Variants in ARHGAP35 observed in about 807,000 individuals in gnomAD.
The protein encoded by ARHGAP35 is rho GTPase-activating protein 35.
In ARHGAP35, 15 loss-of-function variants were observed where a neutral mutation model predicts 111.1. The observed-to-expected ratio is 0.13, with a 90% CI of 0.09 to 0.21. ARHGAP35 has a LOEUF of 0.21. Among genes scored for constraint, ARHGAP35 ranks in the 10% least tolerant of loss-of-function variants. ARHGAP35 has a pLI of 1.00. For synonymous variants in ARHGAP35, 643 were observed against 710.3 expected (o/e 0.91, Z 1.51); for missense variants, 1,262 against 1,873.0 (o/e 0.67, Z 6.02).
intron 3 of ARHGAP35, among the ~76,000 whole-genome samples, chr19:46,950,733 C>T (rs930915530): frequency 6.6e-5 from 10 of 152,146 alleles, no homozygotes; most frequent in Non-Finnish European, 1.2e-4. Context: ...TCCATTACCT[C>T]GCTGTGGCTC....
intron 2 of ARHGAP35, among the ~76,000 whole-genome samples, chr19:46,935,237 G>A (rs1034297126): frequency 2.6e-5 from 4 of 152,136 alleles, no homozygotes; most frequent in Admixed American, 2.6e-4. Context: ...GCTTTATGGA[G>A]TACATGGTTC....
intron 3 of ARHGAP35, among the ~76,000 whole-genome samples, chr19:46,937,768 G>A (rs946010134): frequency 6.6e-6 from 1 of 152,208 alleles, no homozygotes; most frequent in African/African-American, 2.4e-5. Flanking sequence ...CTTGAGGGTT[G>A]TGCTATCATT....
At chr19:46,942,817 G>GAAAAAA (rs770589909) in intron 3 of ARHGAP35, among the ~76,000 whole-genome samples, 1 of 140,028 alleles carries the variant, frequency 7.1e-6, no homozygotes, top group Non-Finnish European at 1.5e-5. Flanking sequence ...CCCTGTCTCA[G>GAAAAAA]AAAAAAAAAA....
At chr19:46,985,272 A>G (rs1242918223) in intron 3 of ARHGAP35, among the ~76,000 whole-genome samples, 1 of 152,224 alleles carries the variant, frequency 6.6e-6, no homozygotes, top group Admixed American at 6.5e-5. Context: ...CAGGGTCTCG[A>G]CAGCACAGGG....
chr19:46,908,533 T>C lies in ARHGAP35; in HGVS notation c.-188-9955T>C, dbSNP rs951526592. Among the ~76,000 whole-genome samples the C allele has an allele frequency of 6.7e-6, 1 of 150,294 alleles. No individual in the cohort carries two copies. The highest frequency in any genetic ancestry group is 2.4e-5 in the African/African-American group (1 of 41,222). ...TAATCCAGAAATTATGCTAAATCAGTGAGAAAGACTTCTTAGCTTTTGATT... is the reference window on the plus strand; with the variant it reads ...TAATCCAGAAATTATGCTAAATCAGCGAGAAAGACTTCTTAGCTTTTGATT... On this transcript the variant is annotated intron_variant, in intron 1 of 6. Transcript: ENST00000672722. This position sits in a 1 kb window ranked among gnomAD's most constrained non-coding sequence, Gnocchi z 4.2.
At chr19:46,962,204 T>C (rs1451334074) in intron 3 of ARHGAP35, among the ~76,000 whole-genome samples, 1 of 152,190 alleles carries the variant, frequency 6.6e-6, no homozygotes, top group East Asian at 1.9e-4. Flanking sequence ...GAGTTTGTTT[T>C]TTAAAAAAGC....
In ARHGAP35 at chr19:46,908,799, A is replaced by T. The variant is rs1011995070; in HGVS notation, c.-188-9689A>T. 1.7e-4 allele frequency among the ~76,000 whole-genome samples: 26 copies of T among 151,862 alleles called. No homozygotes were observed. The highest frequency in any genetic ancestry group is 9.2e-4 in the Admixed American group (14 of 15,234). On this transcript the variant is annotated intron_variant, in intron 1 of 6. Transcript: ENST00000672722. The surrounding 1 kb of genome is among the most constrained non-coding windows in gnomAD (Gnocchi z 4.2). ...GGAAGCATGAGAACTGTGGCGGGGG[A>T]AAAATGGGCTACTTGCTGTATTTAG...
chr19:46,886,113 A>G (rs311364), intron 1 of ARHGAP35, among the ~76,000 whole-genome samples: 17,849 of 152,134 alleles, frequency 0.12, 1,146 homozygotes, highest in Middle Eastern at 0.23. Flanking sequence ...CCAGTGGTTT[A>G]TGTTGTCGTC....
At chr19:46,871,557 G>A (rs2055887473) in intron 1 of ARHGAP35, among the ~76,000 whole-genome samples, 1 of 151,804 alleles carries the variant, frequency 6.6e-6, no homozygotes, top group South Asian at 2.1e-4. Flanking sequence ...TGGCCAGGCT[G>A]GTCTTGAACT....
intron 3 of ARHGAP35, among the ~76,000 whole-genome samples, chr19:46,983,211 C>T (rs2122325620): frequency 6.6e-6 from 1 of 152,102 alleles, no homozygotes; most frequent in Middle Eastern, 3.4e-3. Flanking sequence ...TGATTTTGAG[C>T]ATCATAGAAG....
At chr19:46,891,654 T>C (rs2056024549) in intron 1 of ARHGAP35, among the ~76,000 whole-genome samples, 1 of 152,042 alleles carries the variant, frequency 6.6e-6, no homozygotes, top group East Asian at 1.9e-4. Context: ...CTCAATCTCT[T>C]GACATCGTGA....
At chr19:46,871,865 A>G (rs568310776) in intron 1 of ARHGAP35, among the ~76,000 whole-genome samples, 3 of 152,022 alleles carry the variant, frequency 2.0e-5, no homozygotes, top group Admixed American at 6.5e-5. Context: ...CTGTAATCCC[A>G]GCTACTCGGG....
In ARHGAP35 at chr19:47,003,947, C is replaced by A. The variant is rs983538265; in HGVS notation, c.*3259C>A. ...ACACACACACACACACACACACACA[C>A]ACAAAACTTCACAGCAGGCCAGCTG... On this transcript the variant is annotated 3_prime_UTR_variant, in exon 7 of 7. Coordinates refer to ENST00000672722, the MANE Select transcript of ARHGAP35 (RefSeq NM_004491.5). 6.5e-6 allele frequency: 1 copy of A among 152,804 alleles called. No homozygotes were observed. Among genetic ancestry groups the A allele is most frequent in the South Asian group, 2.1e-4 (1 of 4,794 alleles). 9.5% of individuals were successfully genotyped at this position (152,804 alleles called of 1,614,324 possible).
At chr19:46,924,116 A>T (rs2056224889) in intron 2 of ARHGAP35, among the ~76,000 whole-genome samples, 1 of 152,176 alleles carries the variant, frequency 6.6e-6, no homozygotes, top group South Asian at 2.1e-4. Context: ...AAGAACAGAG[A>T]ACAGAGTTAC....
In ARHGAP35 at chr19:46,993,478, C is replaced by T. The variant is rs1044505272; in HGVS notation, c.4036+3803C>T. ...TCTTTGGGAACAGGGTCTCTGCCGC[C>T]ACTTTGTTTGACCTTGGACCGGTAT... On this transcript the variant is annotated intron_variant, in intron 5 of 6. Coordinates refer to ENST00000672722, the MANE Select transcript of ARHGAP35 (RefSeq NM_004491.5). This position sits in a 1 kb window ranked among gnomAD's most constrained non-coding sequence, Gnocchi z 4.6. Among the ~76,000 whole-genome samples the T allele has an allele frequency of 6.6e-6, 1 of 152,224 alleles. No homozygotes were observed. Among genetic ancestry groups the T allele is most frequent in the Non-Finnish European group, 1.5e-5 (1 of 68,042 alleles).
chr19:46,861,527 A>T (rs987620764), intron 1 of ARHGAP35, among the ~76,000 whole-genome samples: 1 of 131,764 alleles, frequency 7.6e-6, no homozygotes, highest in Non-Finnish European at 1.6e-5. Context: ...ACTTCAGCCA[A>T]CCGGTTCCCA....
rs1358429797 is a variant in ARHGAP35 at position 46,920,490 on chromosome 19, A to G, written c.1815A>G (p.Lys605=). The G allele has an allele frequency of 6.2e-7, 1 of 1,613,986 alleles. No individual in the cohort carries two copies. The highest frequency in any genetic ancestry group is 2.2e-5 in the East Asian group (1 of 44,888). Residue 605 remains lysine, a synonymous_variant, in exon 2 of 7, where the codon AAA becomes AAG. Transcript: ENST00000672722. This position sits in a 1 kb window ranked among gnomAD's most constrained non-coding sequence, Gnocchi z 7.0. ...GAATCAACTTGGTTATATTGGGCAA[A>G]GACGGCCTTGCCCGAGAGTTGGCCA... ...IDRINLVILG[K]DGLARELANE...
Position 46,920,997 on chromosome 19 carries a change from C to T in ARHGAP35, c.2322C>T (p.Ile774=). The T allele has an allele frequency of 6.2e-7, 1 of 1,613,998 alleles. No homozygotes were observed. The highest frequency in any genetic ancestry group is 1.1e-5 in the South Asian group (1 of 91,078). The part of the protein sequence containing the change: ...NLNLVSSTAS[I]KDLADVDLRI... ...ACCTGGTCAGTTCTACTGCTAGCAT[C>T]AAAGATTTGGCTGATGTTGATCTGC... Residue 774 remains isoleucine (I), a synonymous_variant, in exon 2 of 7, where the codon ATC becomes ATT. Coordinates refer to ENST00000672722, the MANE Select transcript of ARHGAP35 (RefSeq NM_004491.5). This position sits in a 1 kb window ranked among gnomAD's most constrained non-coding sequence, Gnocchi z 7.0.
intron 2 of ARHGAP35, among the ~76,000 whole-genome samples, chr19:46,925,740 G>A (rs1371333817): frequency 6.6e-6 from 1 of 152,166 alleles, no homozygotes; most frequent in Non-Finnish European, 1.5e-5. Flanking sequence ...CAGCTCCTCC[G>A]CTTCCTTAGT....
Sources: allele counts gnomAD v4.1 joint callset (sites outside exome capture counted in the v4.1 genomes callset), GRCh38; gene constraint gnomAD v4.1.1; non-coding constraint Gnocchi (gnomAD v3.1); transcripts MANE v1.5; gene names NCBI Gene and HGNC (gene_info 2026-07-23, HGNC 2026-07-21).